The following COMMD7 variants were observed in gnomAD, a reference collection of about 807,000 sequenced individuals.
COMMD7 encodes COMM domain containing 7.
In COMMD7, 28 loss-of-function variants were observed where a neutral mutation model predicts 34.8. The observed-to-expected ratio is 0.80, with a 90% CI of 0.60 to 1.10. The LOEUF (loss-of-function observed/expected upper bound fraction) is 1.10. Among genes scored for constraint, COMMD7 ranks in the 50% least tolerant of loss-of-function variants. COMMD7 has a pLI of 0.00. For synonymous variants in COMMD7, 80 were observed against 86.4 expected (o/e 0.93, Z 0.41); for missense variants, 211 against 241.6 (o/e 0.87, Z 0.84).
chr20:32,737,379 A>AAAAAAAAAAAAAAAAAAAAAAAAAAG (rs1387669938), intron 1 of COMMD7, among the ~76,000 whole-genome samples: 1 of 101,622 alleles, frequency 9.8e-6, no homozygotes, highest in Non-Finnish European at 2.0e-5. Context: ...CAAAAAAAAA[A>AAAAAAAAAAAAAAAAAAAAAAAAAAG]GATAAGCCAG....
At chr20:32,733,356 G>T (rs899164377) in intron 1 of COMMD7, among the ~76,000 whole-genome samples, 2 of 150,270 alleles carry the variant, frequency 1.3e-5, no homozygotes, top group Non-Finnish European at 3.0e-5. Flanking sequence ...TGAGGCGGGG[G>T]GATAACCAGA....
intron 3 of COMMD7, among the ~76,000 whole-genome samples, chr20:32,715,059 A>G (rs1184441627): frequency 2.6e-5 from 4 of 151,396 alleles, no homozygotes; most frequent in Admixed American, 1.3e-4. Flanking sequence ...TAAATGAAAT[A>G]AAAATAGGTG....
At chr20:32,707,951 T>C (rs1984201595) in intron 3 of COMMD7, among the ~76,000 whole-genome samples, 1 of 152,212 alleles carries the variant, frequency 6.6e-6, no homozygotes, top group Admixed American at 6.6e-5. Context: ...GTGACCATTA[T>C]ACTGAACACT....
chr20:32,731,567 A>C (rs1985842662), intron 1 of COMMD7, among the ~76,000 whole-genome samples: 1 of 151,860 alleles, frequency 6.6e-6, no homozygotes, highest in Non-Finnish European at 1.5e-5. Flanking sequence ...AAACCATGAC[A>C]CTCCCAACAA....
In COMMD7 at chr20:32,722,557, C is replaced by T. The variant is rs373241455; in HGVS notation, c.241+5336G>A. Among the ~76,000 whole-genome samples the T allele has an allele frequency of 1.3e-4, 20 of 151,948 alleles. No individual in the cohort carries two copies. In the East Asian group the frequency reaches 3.1e-3, roughly 24 times the overall value. ...TGGCCAACATGGTGAAACTTGGTCT[C>T]TACTAAAAATACAAAAATTAGCCAG... is the stretch of plus-strand genomic sequence containing the variant. On this transcript the variant is annotated intron_variant, in intron 3 of 8. Transcript: ENST00000278980.
At chr20:32,719,592 G>T (rs1985029558) in intron 3 of COMMD7, among the ~76,000 whole-genome samples, 1 of 152,108 alleles carries the variant, frequency 6.6e-6, no homozygotes, top group Admixed American at 6.6e-5. Flanking sequence ...GGAGCTGGCA[G>T]TGAGCCAAGA....
chr20:32,739,428 G>A (rs1017926083), intron 1 of COMMD7, among the ~76,000 whole-genome samples: 3 of 151,484 alleles, frequency 2.0e-5, no homozygotes, highest in African/African-American at 4.9e-5. Context: ...GGCGGATCAC[G>A]AGGTCAGGAG....
At chr20:32,710,819 C>T (rs1263707337) in intron 3 of COMMD7, among the ~76,000 whole-genome samples, 1 of 151,908 alleles carries the variant, frequency 6.6e-6, no homozygotes, top group South Asian at 2.1e-4. Context: ...GGAAAGGCAC[C>T]TATAATCCCA....
intron 3 of COMMD7, among the ~76,000 whole-genome samples, chr20:32,713,986 G>A (rs1444735892): frequency 4.6e-5 from 7 of 152,206 alleles, no homozygotes; most frequent in South Asian, 2.1e-4. Flanking sequence ...GGTGGTGAGC[G>A]CCTGTAATCG....
At position 32,710,057 on chromosome 20, in the gene COMMD7, T is replaced by C. The variant is rs561714679; in HGVS notation, c.242-3297A>G. Among the ~76,000 whole-genome samples, 369 of 151,942 alleles carry C rather than the reference T, an allele frequency of 2.4e-3. 2 individuals are homozygous for C. Among genetic ancestry groups the C allele is most frequent in the African/African-American group, 8.4e-3 (349 of 41,472 alleles). ...CAATGCTTGACTAATTTTTAATTTT[T>C]TTTTCTAGAGATAGAGTCTCACTAT... On this transcript the variant is annotated intron_variant, in intron 3 of 8. Transcript: ENST00000278980.
At chr20:32,742,282 C>G (rs908099201) in intron 1 of COMMD7, among the ~76,000 whole-genome samples, 5 of 152,108 alleles carry the variant, frequency 3.3e-5, no homozygotes, top group Admixed American at 2.0e-4. Context: ...TTTTCTATTG[C>G]ATAGCTCAAG....
intron 3 of COMMD7, among the ~76,000 whole-genome samples, chr20:32,719,417 G>A (rs933008565): frequency 6.6e-6 from 1 of 152,168 alleles, no homozygotes; most frequent in African/African-American, 2.4e-5. Context: ...GGAGGCCAAG[G>A]TGGGGTGGAT....
chr20:32,718,490 G>C lies in COMMD7; in HGVS notation c.241+9403C>G, dbSNP rs936955983. The stretch of plus-strand genomic sequence containing the variant: ...AAGGCGGGTGGACTGCCTGAGCTCA[G>C]GAGTTCGAGACCAGCCTGGGCAACA... On this transcript the variant is annotated intron_variant, in intron 3 of 8. Transcript: ENST00000278980. 4.6e-5 allele frequency among the ~76,000 whole-genome samples: 7 copies of C among 152,000 alleles called. 1 individual carries two copies. The highest frequency in any genetic ancestry group is 8.8e-5 in the Non-Finnish European group (6 of 68,006).
chr20:32,732,964 C>T (rs545327735), intron 1 of COMMD7, among the ~76,000 whole-genome samples: 1 of 150,826 alleles, frequency 6.6e-6, no homozygotes, highest in East Asian at 2.0e-4. Flanking sequence ...AGGTCGGACG[C>T]GGTGGCTCAC....
intron 3 of COMMD7, among the ~76,000 whole-genome samples, chr20:32,716,493 T>C (rs1366651289): frequency 6.6e-6 from 1 of 152,106 alleles, no homozygotes; most frequent in East Asian, 1.9e-4. Flanking sequence ...CAGGCGCCTG[T>C]AGTCCCAGCT....
intron 3 of COMMD7, among the ~76,000 whole-genome samples, chr20:32,722,955 C>T (rs1402935890): frequency 1.3e-5 from 2 of 148,946 alleles, no homozygotes; most frequent in Admixed American, 6.8e-5. Context: ...GTAGGCAGAG[C>T]TTGCAGTGAG....
At chr20:32,707,407 C>A (rs950545260) in intron 3 of COMMD7, among the ~76,000 whole-genome samples, 1 of 151,350 alleles carries the variant, frequency 6.6e-6, no homozygotes, top group Non-Finnish European at 1.5e-5. Context: ...GCAACCTACA[C>A]CTCCTGGGTT....
chr20:32,713,333 C>A (rs1238000024), intron 3 of COMMD7, among the ~76,000 whole-genome samples: 1 of 152,170 alleles, frequency 6.6e-6, no homozygotes, highest in African/African-American at 2.4e-5. Context: ...TACAGGCGTG[C>A]GCCAATGCGC....
At chr20:32,733,489 C>T (rs1286785289) in intron 1 of COMMD7, among the ~76,000 whole-genome samples, 3 of 151,838 alleles carry the variant, frequency 2.0e-5, no homozygotes, top group South Asian at 2.1e-4. Context: ...GAGGCCGAGG[C>T]GGGCAGATCA....
Sources: gnomAD v4.1 joint callset for allele counts (sites outside exome capture counted in the v4.1 genomes callset) on GRCh38, gnomAD v4.1.1 for gene constraint, MANE v1.5 for transcripts, NCBI Gene and HGNC (gene_info 2026-07-23, HGNC 2026-07-21) for gene names.